TRIM2: variants seen among roughly 807,000 people sequenced by gnomAD.
TRIM2 encodes tripartite motif-containing protein 2.
TRIM2 carries 20 observed loss-of-function variants against 75.2 expected under a neutral mutation model. The observed-to-expected ratio is 0.27, with a 90% CI of 0.19 to 0.39. The LOEUF is 0.39. Ranked by LOEUF, TRIM2 falls within the 10% of genes least tolerant of loss-of-function variation. TRIM2 has a pLI of 1.00. For synonymous variants in TRIM2, 373 were observed against 388.3 expected (o/e 0.96, Z 0.46); for missense variants, 660 against 990.8 (o/e 0.67, Z 4.48).
At chr4:153,244,144 G>GTTCTTCTTCTTCTTCTTCTTC (rs766874717) in intron 1 of TRIM2, among the ~76,000 whole-genome samples, 13 of 130,092 alleles carry the variant, frequency 1.0e-4, no homozygotes, top group Non-Finnish European at 1.6e-4. Context: ...TCTTCTTCTT[G>GTTCTTCTTCTTCTTCTTCTTC]TTCTTCTTGT....
intron 1 of TRIM2, among the ~76,000 whole-genome samples, chr4:153,210,857 C>T (rs1736790812): frequency 6.6e-6 from 1 of 152,094 alleles, no homozygotes; most frequent in African/African-American, 2.4e-5. Flanking sequence ...CCCTAGAAGC[C>T]CCAGAAGCCG....
intron 10 of TRIM2, among the ~76,000 whole-genome samples, chr4:153,326,232 C>T (rs887787504): frequency 3.8e-4 from 58 of 152,008 alleles, no homozygotes; most frequent in African/African-American, 1.4e-3. Flanking sequence ...GCATTTTAGT[C>T]GGGAAAAATA....
rs141669847 is a variant in TRIM2 at position 153,262,464 on chromosome 4, A to G, written c.31-7871A>G. ...GTGGTGCCAGCTGGTCCATCAGAAT[A>G]CAGGGTCTGAAAAATATCTTGAACA... On this transcript the variant is annotated intron_variant, in intron 1 of 11. Transcript: ENST00000338700. Among the ~76,000 whole-genome samples the G allele has an allele frequency of 3.0e-3, 459 of 152,362 alleles. 7 individuals are homozygous for G. Among genetic ancestry groups the G allele is most frequent in the African/African-American group, 0.011 (437 of 41,584 alleles).
intron 6 of TRIM2, among the ~76,000 whole-genome samples, chr4:153,310,761 T>A (rs1029287055): frequency 1.3e-5 from 2 of 152,206 alleles, no homozygotes; most frequent in Admixed American, 6.5e-5. Context: ...AAGAAAAGAT[T>A]TTTTAAAAAC....
intron 1 of TRIM2, chr4:153,222,100 C>T (rs1317611871): frequency 3.6e-5 from 3 of 84,412 alleles, no homozygotes; most frequent in Non-Finnish European, 5.0e-5. Flanking sequence ...AGGGTCCCTA[C>T]TCCAACTTCT....
intron 6 of TRIM2, chr4:153,308,236 C>T (rs1235761841): frequency 1.3e-6 from 2 of 1,528,254 alleles, no homozygotes; most frequent in Non-Finnish European, 1.8e-6. Context: ...GCTCTTCTAC[C>T]CTTTGCCAGG....
intron 1 of TRIM2, among the ~76,000 whole-genome samples, chr4:153,258,179 G>A (rs1334356793): frequency 6.6e-6 from 1 of 152,130 alleles, no homozygotes; most frequent in African/African-American, 2.4e-5. Flanking sequence ...TCCTCTATTA[G>A]AGAATCCTGG....
rs145454948 is a variant in TRIM2 at position 153,180,741 on chromosome 4, G to T, written c.-49+27471G>T. Among the ~76,000 whole-genome samples the T allele has an allele frequency of 2.6e-5, 4 of 152,332 alleles. No homozygotes were observed. The East Asian group carries it at 5.8e-4, about 22-fold the overall frequency. On this transcript the variant is annotated intron_variant, in intron 1 of 11. Transcript: ENST00000437508. ...GATCTGCCCGCCTCAGCCTCCCGAAGTGCTGGGATTACAGGCCTGAGCCAC... is the reference window on the plus strand; with the variant it reads ...GATCTGCCCGCCTCAGCCTCCCGAATTGCTGGGATTACAGGCCTGAGCCAC...
intron 1 of TRIM2, among the ~76,000 whole-genome samples, chr4:153,244,355 CTCT>C (rs1209366783): frequency 0.019 from 237 of 12,648 alleles, 7 homozygotes; most frequent in Middle Eastern, 0.036. Flanking sequence ...CTTCTTCTTC[CTCT>C]TCTTCTTCTT....
At chr4:153,251,934 C>T (rs1750973774) in intron 1 of TRIM2, among the ~76,000 whole-genome samples, 1 of 61,694 alleles carries the variant, frequency 1.6e-5, no homozygotes, top group Non-Finnish European at 3.1e-5. Flanking sequence ...CACGCCACTG[C>T]ACTCCCACTC....
chr4:153,289,148 T>C lies in TRIM2; in HGVS notation c.454-3834T>C, dbSNP rs535053829. ...TTTTTGTGTGCTTCACTTTTTTCCA[T>C]TGGAAACTGAACATTTAAAGTACTA... On this transcript the variant is annotated intron_variant, in intron 3 of 11. Coordinates refer to ENST00000338700, the MANE Select transcript of TRIM2 (RefSeq NM_015271.5). Among the ~76,000 whole-genome samples the C allele has an allele frequency of 1.6e-4, 25 of 152,264 alleles. No individual in the cohort carries two copies. The East Asian group carries it at 2.3e-3, about 14-fold the overall frequency.
chr4:153,298,602 G>C (rs528272879), intron 6 of TRIM2, among the ~76,000 whole-genome samples: 2 of 152,250 alleles, frequency 1.3e-5, no homozygotes, highest in South Asian at 4.1e-4. Flanking sequence ...ACAACATGAT[G>C]TTTTGATATA....
At chr4:153,245,101 C>A (rs1748769461) in intron 1 of TRIM2, among the ~76,000 whole-genome samples, 1 of 152,234 alleles carries the variant, frequency 6.6e-6, no homozygotes, top group Admixed American at 6.5e-5. Context: ...AAAGTACACA[C>A]ACAGTCAGTT....
intron 3 of TRIM2, among the ~76,000 whole-genome samples, chr4:153,283,167 C>T (rs1210055211): frequency 3.3e-5 from 5 of 152,140 alleles, no homozygotes; most frequent in East Asian, 1.9e-4. Context: ...AATTTCAGAA[C>T]GTATTCATCA....
At chr4:153,217,549 T>G (rs1202687231) in intron 1 of TRIM2, among the ~76,000 whole-genome samples, 1 of 152,142 alleles carries the variant, frequency 6.6e-6, no homozygotes, top group Admixed American at 6.6e-5. Context: ...AAACCAGCAC[T>G]TAAAAAAGAG....
chr4:153,204,541 G>A lies in TRIM2; in HGVS notation c.11G>A (p.Ser4Asn). The A allele has an allele frequency of 1.3e-6, 2 of 1,551,754 alleles. No homozygotes were observed. Among genetic ancestry groups the A allele is most frequent in the Non-Finnish European group, 1.7e-6 (2 of 1,147,004 alleles). ...TGGCTCTGGTCTTCGATGCACAGGA[G>A]TGGCCGTTATGGAACGCAGGTAAGG... is the stretch of plus-strand genomic sequence containing the variant. MHR[S>N]GRYGTQQQRA... The change falls in exon 1 of 12, where the codon AGT becomes AAT. Residue 4 changes from serine (S) to asparagine (N), a missense_variant. Ser to Asn is a conservative substitution (Grantham distance 46, BLOSUM62 1). This residue lies in a region of TRIM2 where 620 missense variants were observed against 891.0 expected (regional missense o/e 0.70). Coordinates refer to ENST00000338700, the MANE Select transcript of TRIM2 (RefSeq NM_015271.5).
chr4:153,322,272 A>C (rs1204724996), intron 8 of TRIM2, among the ~76,000 whole-genome samples: 1 of 152,080 alleles, frequency 6.6e-6, no homozygotes, highest in Non-Finnish European at 1.5e-5. Context: ...TTAGCCAGGC[A>C]TGGTGGTGCA....
chr4:153,171,592 A>G (rs1332229354), intron 1 of TRIM2, among the ~76,000 whole-genome samples: 1 of 151,306 alleles, frequency 6.6e-6, no homozygotes, highest in African/African-American at 2.4e-5. Context: ...TCTCAAAAAC[A>G]CAAAACAAAA....
chr4:153,317,605 G>A (rs1305102836), intron 8 of TRIM2, among the ~76,000 whole-genome samples: 5 of 150,728 alleles, frequency 3.3e-5, no homozygotes, highest in African/African-American at 9.8e-5. Context: ...AGCCAAGATC[G>A]TGCCACTGCA....
Sources: allele counts gnomAD v4.1 joint callset (sites outside exome capture counted in the v4.1 genomes callset), GRCh38; gene constraint gnomAD v4.1.1; regional missense constraint gnomAD v4.1.1; transcripts MANE v1.5; gene names NCBI Gene and HGNC (gene_info 2026-07-23, HGNC 2026-07-21).